DLGAP1: variants seen among roughly 807,000 people sequenced by gnomAD.
DLGAP1 encodes disks large-associated protein 1.
Under a neutral mutation model 90.8 loss-of-function variants are expected in DLGAP1, and 11 were observed. That is an observed-to-expected ratio of 0.12 (90% confidence interval 0.08 to 0.20). The LOEUF (loss-of-function observed/expected upper bound fraction) is 0.20. DLGAP1 is among the 10% of genes least tolerant of loss of function. The pLI is 1.00. For missense variants in DLGAP1, 1,050 were observed against 1,333.8 expected (o/e 0.79, Z 3.31); for synonymous variants, 558 against 540.7 (o/e 1.03, Z -0.44).
At chr18:3,632,495 G>C (rs1314878605) in intron 7 of DLGAP1, among the ~76,000 whole-genome samples, 1 of 151,954 alleles carries the variant, frequency 6.6e-6, no homozygotes, top group African/African-American at 2.4e-5. Context: ...CAGAGACGGG[G>C]TTTCACCATG....
chr18:3,686,597 T>C (rs1038877791), intron 7 of DLGAP1, among the ~76,000 whole-genome samples: 12 of 151,340 alleles, frequency 7.9e-5, no homozygotes, highest in African/African-American at 3.0e-4. Context: ...GCATTTTCAC[T>C]ATTGAACAAG....
intron 7 of DLGAP1, among the ~76,000 whole-genome samples, chr18:3,639,735 C>T (rs985447099): frequency 6.6e-6 from 1 of 150,700 alleles, no homozygotes. Flanking sequence ...TAATTGTTCT[C>T]CTGCTACCTG....
At chr18:3,897,843 GGACTGCA>G (rs1201734594) in intron 3 of DLGAP1, among the ~76,000 whole-genome samples, 11 of 140,750 alleles carry the variant, frequency 7.8e-5, no homozygotes, top group South Asian at 4.6e-4. Context: ...GCCGGACTGC[GGACTGCA>G]GTGGCGCAAT....
intron 1 of DLGAP1, among the ~76,000 whole-genome samples, chr18:4,266,068 C>G (rs1446574425): frequency 1.3e-5 from 2 of 152,066 alleles, no homozygotes; most frequent in Admixed American, 1.3e-4. Context: ...TTATTAATCT[C>G]AGTGATATAA....
intron 2 of DLGAP1, among the ~76,000 whole-genome samples, chr18:4,131,592 A>G (rs570943750): frequency 6.6e-6 from 1 of 152,248 alleles, no homozygotes; most frequent in South Asian, 2.1e-4. Flanking sequence ...GATCCACGAG[A>G]TGAGGTCCGC....
At chr18:3,556,552 G>A (rs1347646041) in intron 9 of DLGAP1, among the ~76,000 whole-genome samples, 1 of 152,014 alleles carries the variant, frequency 6.6e-6, no homozygotes, top group African/African-American at 2.4e-5. Flanking sequence ...GTAATAATAC[G>A]TTGACGTTTT....
chr18:3,665,269 C>T (rs2146658040), intron 7 of DLGAP1, among the ~76,000 whole-genome samples: 1 of 151,086 alleles, frequency 6.6e-6, no homozygotes, highest in East Asian at 2.0e-4. Context: ...TCTTCCCCCT[C>T]CCCCCAACCC....
chr18:4,184,818 G>A (rs1184421598), intron 1 of DLGAP1, among the ~76,000 whole-genome samples: 3 of 152,066 alleles, frequency 2.0e-5, no homozygotes, highest in Non-Finnish European at 4.4e-5. Context: ...ATGAAGGAAT[G>A]TTTCTTCCAT....
chr18:3,515,777 CAAA>C (rs55680550), intron 10 of DLGAP1, among the ~76,000 whole-genome samples: 6,722 of 93,494 alleles, frequency 0.072, 468 homozygotes, highest in African/African-American at 0.24. Context: ...GACCCTGTCT[CAAA>C]AAAAAAAAAA....
At chr18:4,294,832 A>C (rs1283263396) in intron 1 of DLGAP1, 1 of 152,222 alleles carries the variant, frequency 6.6e-6, no homozygotes, top group Non-Finnish European at 1.5e-5. Flanking sequence ...AGCAGGATAG[A>C]TGGGAAACTG....
chr18:4,295,139 T>G (rs1402735538), intron 1 of DLGAP1: 1 of 152,304 alleles, frequency 6.6e-6, no homozygotes, highest in African/African-American at 2.4e-5. Flanking sequence ...GTGGGGCTTT[T>G]GCTGGGGAAC....
chr18:3,820,188 C>A (rs751366791), intron 4 of DLGAP1, among the ~76,000 whole-genome samples: 1 of 152,048 alleles, frequency 6.6e-6, no homozygotes, highest in Non-Finnish European at 1.5e-5. Context: ...AATGAGAATG[C>A]GTGAGATTTT....
At chr18:4,431,516 A>C (rs2083284283) in intron 1 of DLGAP1, among the ~76,000 whole-genome samples, 1 of 152,254 alleles carries the variant, frequency 6.6e-6, no homozygotes, top group African/African-American at 2.4e-5. Flanking sequence ...TAATGGTTTA[A>C]AACGGGATCC....
intron 1 of DLGAP1, among the ~76,000 whole-genome samples, chr18:4,202,118 C>CGT (rs887236588): frequency 2.0e-5 from 3 of 151,056 alleles, no homozygotes; most frequent in Non-Finnish European, 3.0e-5. Flanking sequence ...GTGGTGTGTG[C>CGT]GTGTGTGTGT....
At chr18:3,680,243 C>A (rs1436483636) in intron 7 of DLGAP1, 1 of 152,314 alleles carries the variant, frequency 6.6e-6, no homozygotes, top group Non-Finnish European at 1.5e-5. Context: ...AACCAAAAGT[C>A]ATTCCAAATT....
intron 4 of DLGAP1, among the ~76,000 whole-genome samples, chr18:3,850,486 T>C (rs923991191): frequency 2.6e-5 from 4 of 152,178 alleles, no homozygotes; most frequent in Admixed American, 6.5e-5. Context: ...TTTTTCTTTT[T>C]AAAAAGAGGA....
intron 2 of DLGAP1, among the ~76,000 whole-genome samples, chr18:4,103,566 G>T (rs757583251): frequency 2.0e-5 from 3 of 152,002 alleles, no homozygotes; most frequent in Non-Finnish European, 2.9e-5. Flanking sequence ...AATAATAGAA[G>T]TTTTCTCCTG....
chr18:3,729,085 G>C lies in DLGAP1; in HGVS notation c.1591+50C>G. ...AAGGGCACAGTCTTTGGGGACAGTCGTGCCATAGCCAGCACAGGGGCCAGG... is the reference window on the plus strand; with the variant it reads ...AAGGGCACAGTCTTTGGGGACAGTCCTGCCATAGCCAGCACAGGGGCCAGG... On this transcript the variant is annotated intron_variant, in intron 7 of 12. Coordinates refer to ENST00000315677, the MANE Select transcript of DLGAP1 (RefSeq NM_004746.4). This position sits in a 1 kb window ranked among gnomAD's most constrained non-coding sequence, Gnocchi z 6.2. 6.4e-7 allele frequency: 1 copy of C among 1,557,086 alleles called. No individual in the cohort carries two copies. Among genetic ancestry groups the C allele is most frequent in the Non-Finnish European group, 8.7e-7 (1 of 1,151,404 alleles).
At chr18:3,611,425 A>G (rs2057621413) in intron 7 of DLGAP1, among the ~76,000 whole-genome samples, 1 of 152,060 alleles carries the variant, frequency 6.6e-6, no homozygotes. Context: ...CGGCTCTACC[A>G]CTGCACTCGC....
Sources: allele counts gnomAD v4.1 joint callset (sites outside exome capture counted in the v4.1 genomes callset), GRCh38; gene constraint gnomAD v4.1.1; non-coding constraint Gnocchi (gnomAD v3.1); transcripts MANE v1.5; gene names NCBI Gene and HGNC (gene_info 2026-07-23, HGNC 2026-07-21).